Variants in FRMPD4 observed in about 807,000 individuals in gnomAD.
The protein encoded by FRMPD4 is FERM and PDZ domain containing 4, also known as FERM and PDZ domain-containing protein 4.
A neutral mutation model predicts 94.1 loss-of-function variants in FRMPD4; 22 were observed. The observed-to-expected ratio is 0.23, with a 90% CI of 0.17 to 0.33. The LOEUF is 0.33. Ranked by LOEUF, FRMPD4 falls within the 10% of genes least tolerant of loss-of-function variation. FRMPD4 has a pLI of 1.00. For missense variants in FRMPD4, 1,111 were observed against 1,339.9 expected (o/e 0.83, Z 2.67); for synonymous variants, 631 against 548.6 (o/e 1.15, Z -2.10).
chrX:12,435,063 T>C (rs1006314734), intron 1 of FRMPD4, among the ~76,000 whole-genome samples: 6 of 111,692 alleles, frequency 5.4e-5, no homozygotes, highest in Admixed American at 2.9e-4. Flanking sequence ...AGGCCTTTTA[T>C]TTCCGTTAAT....
rs61365370 is a variant in FRMPD4 at position 12,280,894 on chromosome X, G to A, written c.41+141882G>A. Among the ~76,000 whole-genome samples the A allele has an allele frequency of 3.9e-3, 434 of 111,665 alleles. 1 individual carries two copies. The highest frequency in any genetic ancestry group is 0.013 in the African/African-American group (403 of 30,663). ...GTTGGCCCACTGTATCTCTGTTGGT[G>A]CATCCATCTGCTTCCTTGATGCTGG... On this transcript the variant is annotated intron_variant, in intron 1 of 16. Transcript: ENST00000675598.
chrX:12,084,051 G>T (rs1285594250), intron 3 of FRMPD4, among the ~76,000 whole-genome samples: 1 of 110,176 alleles, frequency 9.1e-6, no homozygotes, highest in Non-Finnish European at 1.9e-5. Flanking sequence ...GATTGCTTTT[G>T]AAATGTAAGG....
chrX:11,990,929 A>G (rs1245866784), intron 3 of FRMPD4, among the ~76,000 whole-genome samples: 1 of 111,010 alleles, frequency 9.0e-6, no homozygotes, highest in Non-Finnish European at 1.9e-5. Context: ...GGGAGAATTC[A>G]TTTTCTTGAA....
intron 3 of FRMPD4, among the ~76,000 whole-genome samples, chrX:12,054,219 C>T (rs2054840933): frequency 9.0e-6 from 1 of 111,007 alleles, no homozygotes; most frequent in South Asian, 3.8e-4. Context: ...ATTCTTTCAG[C>T]TTAAAATATT....
intron 2 of FRMPD4, among the ~76,000 whole-genome samples, chrX:12,504,342 T>G (rs988455453): frequency 8.9e-6 from 1 of 112,836 alleles, no homozygotes; most frequent in Non-Finnish European, 1.9e-5. Context: ...ATGTTGCTTT[T>G]GAGTACGCAT....
intron 1 of FRMPD4, among the ~76,000 whole-genome samples, chrX:12,480,833 A>G (rs5934007): frequency 0.097 from 10,911 of 112,292 alleles, 525 homozygotes; most frequent in Non-Finnish European, 0.15. Flanking sequence ...GAGTTAAAAC[A>G]AAAAGTAGCC....
intron 3 of FRMPD4, among the ~76,000 whole-genome samples, chrX:12,034,971 T>C (rs182461041): frequency 4.5e-4 from 51 of 112,127 alleles, no homozygotes; most frequent in African/African-American, 1.7e-3. Context: ...CTCTTAAAAC[T>C]GCTTCACTCC....
intron 2 of FRMPD4, among the ~76,000 whole-genome samples, chrX:12,568,561 T>G (rs1279976501): frequency 8.9e-6 from 1 of 112,318 alleles, no homozygotes; most frequent in Non-Finnish European, 1.9e-5. Context: ...ATGATAAACT[T>G]TTTATGTCAT....
Position 11,869,551 on chromosome X carries a change from A to T in FRMPD4, c.-30+4335A>T, listed in dbSNP as rs1292181188. ...CATTATATACATATATCACAACATC[A>T]TATTGTACCCCTTAAGTTTGTACAA... On this transcript the variant is annotated intron_variant, in intron 2 of 18. Transcript: ENST00000640291. 2.7e-5 allele frequency among the ~76,000 whole-genome samples: 3 copies of T among 112,270 alleles called. No individual in the cohort carries two copies. In the Admixed American group the frequency reaches 2.8e-4, roughly 11 times the overall value.
At chrX:11,876,435 A>C (rs1006239533) in intron 2 of FRMPD4, among the ~76,000 whole-genome samples, 1 of 110,658 alleles carries the variant, frequency 9.0e-6, no homozygotes, top group African/African-American at 3.3e-5. Flanking sequence ...ATTGGGCTCA[A>C]GATTTATGTC....
At chrX:12,646,061 A>AATTAG (rs1569384903) in intron 4 of FRMPD4, among the ~76,000 whole-genome samples, 2 of 112,303 alleles carry the variant, frequency 1.8e-5, no homozygotes, top group Admixed American at 9.4e-5. Flanking sequence ...ATAGATAAGG[A>AATTAG]ATTAGTCTAA....
chrX:12,313,890 T>C (rs1380730243), intron 1 of FRMPD4, among the ~76,000 whole-genome samples: 3 of 112,115 alleles, frequency 2.7e-5, no homozygotes, highest in African/African-American at 9.7e-5. Context: ...TTTCTCAGTC[T>C]TCAAGAGTTA....
chrX:11,849,332 A>T (rs964606825), intron 1 of FRMPD4, among the ~76,000 whole-genome samples: 2 of 111,910 alleles, frequency 1.8e-5, no homozygotes, highest in African/African-American at 6.5e-5. Context: ...TATCATTAAG[A>T]TGTCAATACT....
At chrX:11,836,489 G>A (rs1319447293) in intron 1 of FRMPD4, among the ~76,000 whole-genome samples, 3 of 111,783 alleles carry the variant, frequency 2.7e-5, no homozygotes, top group Non-Finnish European at 5.7e-5. Context: ...CTGTGAGGTA[G>A]TAATTATCAC....
chrX:12,523,063 C>T (rs1168581800), intron 2 of FRMPD4, among the ~76,000 whole-genome samples: 1 of 112,207 alleles, frequency 8.9e-6, no homozygotes, highest in Non-Finnish European at 1.9e-5. Context: ...TCTCCAGGGA[C>T]TTTGTTGTTG....
intron 1 of FRMPD4, among the ~76,000 whole-genome samples, chrX:12,479,671 T>G (rs1431501290): frequency 1.9e-5 from 2 of 107,846 alleles, no homozygotes; most frequent in Non-Finnish European, 3.8e-5. Context: ...TAATTTTTTT[T>G]TTATTTTTTG....
At chrX:11,965,751 A>C in intron 3 of FRMPD4, among the ~76,000 whole-genome samples, 1 of 112,139 alleles carries the variant, frequency 8.9e-6, no homozygotes, top group Non-Finnish European at 1.9e-5. Flanking sequence ...AAATTTAAAA[A>C]AAATCAAAAT....
At chrX:12,020,240 A>C (rs998835307) in intron 3 of FRMPD4, among the ~76,000 whole-genome samples, 4 of 112,581 alleles carry the variant, frequency 3.6e-5, no homozygotes, top group African/African-American at 1.3e-4. Flanking sequence ...CCTTCAGCAC[A>C]GTACTTTGCA....
intron 1 of FRMPD4, among the ~76,000 whole-genome samples, chrX:12,380,816 G>A (rs1354018414): frequency 2.7e-5 from 3 of 111,839 alleles, no homozygotes; most frequent in Non-Finnish European, 5.6e-5. Flanking sequence ...AGTGGTTTTT[G>A]GACATTATCT....
Sources: allele counts gnomAD v4.1 joint callset (sites outside exome capture counted in the v4.1 genomes callset), GRCh38; gene constraint gnomAD v4.1.1; transcripts MANE v1.5; gene names NCBI Gene and HGNC (gene_info 2026-07-23, HGNC 2026-07-21).